GLT1D1: variants seen among roughly 807,000 people sequenced by gnomAD.
GLT1D1 encodes the protein glycosyltransferase 1 domain containing 1, also known as glycosyltransferase 1 domain-containing protein 1.
In GLT1D1, 21 loss-of-function variants were observed where a neutral mutation model predicts 28.7. The observed-to-expected ratio is 0.73, with a 90% CI of 0.52 to 1.05. The LOEUF is 1.05. Ranked by LOEUF, GLT1D1 falls within the 50% of genes least tolerant of loss-of-function variation. GLT1D1 has a pLI of 0.00. For synonymous variants in GLT1D1, 147 were observed against 124.8 expected (o/e 1.18, Z -1.19); for missense variants, 343 against 330.6 (o/e 1.04, Z -0.29).
At chr12:128,932,690 C>A (rs1593151596) in intron 4 of GLT1D1, among the ~76,000 whole-genome samples, 1 of 152,140 alleles carries the variant, frequency 6.6e-6, no homozygotes, top group East Asian at 1.9e-4. Flanking sequence ...TTTGCTGAAA[C>A]CGCGGCTCCC....
intron 3 of GLT1D1, among the ~76,000 whole-genome samples, chr12:128,889,062 G>A (rs541068152): frequency 1.3e-5 from 2 of 152,216 alleles, no homozygotes; most frequent in South Asian, 4.1e-4. Context: ...GAGGATTGCT[G>A]GAGCCCAGGA....
intron 1 of GLT1D1, among the ~76,000 whole-genome samples, chr12:128,859,778 A>T (rs964575141): frequency 1.1e-4 from 16 of 152,324 alleles, no homozygotes; most frequent in African/African-American, 3.6e-4. Context: ...AGGACTTGGC[A>T]GTTGAGTGTG....
chr12:128,860,832 C>T lies in GLT1D1; in HGVS notation c.68+7183C>T, dbSNP rs544307727. On this transcript the variant is annotated intron_variant, in intron 1 of 7. Coordinates refer to ENST00000281703, the MANE Select transcript of GLT1D1 (RefSeq NM_144669.3). ...AAGAGGTCAGAAGGGTCCCCACCCC[C>T]CTCTGATCCCCTGAGAATGAACATT... Among the ~76,000 whole-genome samples, 10 of 152,280 alleles carry T rather than the reference C, an allele frequency of 6.6e-5. No individual in the cohort carries two copies. In the East Asian group the frequency reaches 1.3e-3, roughly 21 times the overall value.
In GLT1D1 at chr12:128,950,912, A is replaced by C. The variant is rs945354675; in HGVS notation, c.540+3454A>C. ...TGGGGAGTGGGGAGATGTTGGTTGA[A>C]GGACCTGAACTTCCAATTAGGAGGA... is the stretch of plus-strand genomic sequence containing the variant. On this transcript the variant is annotated intron_variant, in intron 6 of 7. Coordinates refer to ENST00000281703, the MANE Select transcript of GLT1D1 (RefSeq NM_144669.3). Among the ~76,000 whole-genome samples, 3 of 152,174 alleles carry C rather than the reference A, an allele frequency of 2.0e-5. No individual in the cohort carries two copies. The East Asian group carries it at 5.8e-4, about 29-fold the overall frequency.
intron 1 of GLT1D1, among the ~76,000 whole-genome samples, chr12:128,856,043 C>T (rs541774265): frequency 1.4e-4 from 22 of 152,140 alleles, no homozygotes; most frequent in Admixed American, 9.2e-4. Flanking sequence ...TGAGCAACTT[C>T]GCCTGGCCTT....
intron 3 of GLT1D1, among the ~76,000 whole-genome samples, chr12:128,897,100 T>A (rs1480949165): frequency 6.6e-6 from 1 of 152,248 alleles, no homozygotes; most frequent in South Asian, 2.1e-4. Flanking sequence ...GCCAATCTTA[T>A]ATGTGATGCA....
At chr12:128,904,793 C>T (rs1487884723) in intron 4 of GLT1D1, among the ~76,000 whole-genome samples, 2 of 151,762 alleles carry the variant, frequency 1.3e-5, no homozygotes, top group Non-Finnish European at 2.9e-5. Context: ...ACCACCACAC[C>T]CAACTAATTT....
chr12:128,984,455 A>G lies in GLT1D1; in HGVS notation c.*1365A>G, dbSNP rs947981769. 3.9e-5 allele frequency: 6 copies of G among 152,130 alleles called. No individual in the cohort carries two copies. Among genetic ancestry groups the G allele is most frequent in the African/African-American group, 1.5e-4 (6 of 41,364 alleles). The allele number at this position is 152,130 out of a possible 1,614,324, so 9.4% of individuals were successfully genotyped here. Reference sequence around the variant, plus strand: ...GCTTGGATCTCGTGCCGTGTAATTCAATGTTTCATTCCGCTGCCTCCATCA... The same window carrying G: ...GCTTGGATCTCGTGCCGTGTAATTCGATGTTTCATTCCGCTGCCTCCATCA... On this transcript the variant is annotated 3_prime_UTR_variant, in exon 8 of 8. Transcript: ENST00000281703.
chr12:128,902,031 T>C (rs1847295249), intron 4 of GLT1D1, among the ~76,000 whole-genome samples: 1 of 151,804 alleles, frequency 6.6e-6, no homozygotes, highest in African/African-American at 2.4e-5. Flanking sequence ...TCTGAGTTTT[T>C]TGGATGTTGT....
At chr12:128,974,107 T>C (rs886291165) in intron 7 of GLT1D1, among the ~76,000 whole-genome samples, 1 of 151,978 alleles carries the variant, frequency 6.6e-6, no homozygotes, top group African/African-American at 2.4e-5. Context: ...GATCTGTGCG[T>C]GTGGAGGGGG....
intron 1 of GLT1D1, among the ~76,000 whole-genome samples, chr12:128,862,173 A>G (rs906309322): frequency 6.6e-6 from 1 of 151,482 alleles, no homozygotes; most frequent in African/African-American, 2.4e-5. Context: ...TACTAAAAAT[A>G]CAAAAATTAG....
chr12:128,963,100 C>T (rs73153473), intron 7 of GLT1D1, among the ~76,000 whole-genome samples: 41 of 152,302 alleles, frequency 2.7e-4, no homozygotes, highest in African/African-American at 5.3e-4. Context: ...TACCCCTTTC[C>T]GCTGAAAATG....
intron 4 of GLT1D1, among the ~76,000 whole-genome samples, chr12:128,912,952 A>T (rs138517730): frequency 1.9e-4 from 29 of 152,350 alleles, no homozygotes; most frequent in African/African-American, 7.0e-4. Flanking sequence ...TTCTAACATT[A>T]GAATAAAAGA....
intron 4 of GLT1D1, among the ~76,000 whole-genome samples, chr12:128,916,719 C>T (rs1872147996): frequency 1.3e-5 from 2 of 152,186 alleles, no homozygotes; most frequent in East Asian, 3.9e-4. Context: ...TGTAGAACTT[C>T]CTTATATTCT....
intron 4 of GLT1D1, chr12:128,912,450 C>T: frequency 6.6e-7 from 1 of 1,519,690 alleles, no homozygotes; most frequent in Non-Finnish European, 8.8e-7. Context: ...AGGTCTATGT[C>T]CAGAGTCAAG....
At chr12:128,922,714 G>A (rs376275188) in intron 4 of GLT1D1, among the ~76,000 whole-genome samples, 12 of 152,226 alleles carry the variant, frequency 7.9e-5, no homozygotes, top group African/African-American at 2.9e-4. Flanking sequence ...CCTGAGGTCA[G>A]GAGTTTGAGC....
intron 6 of GLT1D1, among the ~76,000 whole-genome samples, chr12:128,951,685 C>T (rs1371010343): frequency 6.6e-6 from 1 of 152,198 alleles, no homozygotes; most frequent in Non-Finnish European, 1.5e-5. Flanking sequence ...ACACTCACCT[C>T]TGTGCACTGT....
intron 4 of GLT1D1, among the ~76,000 whole-genome samples, chr12:128,908,413 TTTC>T (rs1871161294): frequency 6.6e-6 from 1 of 151,614 alleles, no homozygotes; most frequent in Non-Finnish European, 1.5e-5. Flanking sequence ...TCTTTCTTTC[TTTC>T]TTTTTCTTTC....
intron 2 of GLT1D1, among the ~76,000 whole-genome samples, chr12:128,885,263 C>T (rs1593082322): frequency 6.6e-6 from 1 of 152,164 alleles, no homozygotes; most frequent in East Asian, 1.9e-4. Flanking sequence ...GACTCTTTCG[C>T]CCAGGCTGGA....
Sources: allele counts gnomAD v4.1 joint callset (sites outside exome capture counted in the v4.1 genomes callset), GRCh38; gene constraint gnomAD v4.1.1; transcripts MANE v1.5; gene names NCBI Gene and HGNC (gene_info 2026-07-23, HGNC 2026-07-21).